The following RPRD2 variants were observed in gnomAD, a reference collection of about 807,000 sequenced individuals.
RPRD2 encodes the protein regulation of nuclear pre-mRNA domain-containing protein 2.
A neutral mutation model predicts 104.4 loss-of-function variants in RPRD2; 12 were observed. The ratio of observed to expected loss-of-function variants is 0.11; its 90% CI spans 0.07 to 0.19. The LOEUF (loss-of-function observed/expected upper bound fraction) is 0.19, where lower values mean the gene tolerates loss of function less well. Ranked by LOEUF, RPRD2 falls within the 10% of genes least tolerant of loss-of-function variation. The pLI is 1.00. For synonymous variants in RPRD2, 714 were observed against 684.9 expected (o/e 1.04, Z -0.66); for missense variants, 1,543 against 1,790.1 (o/e 0.86, Z 2.49).
chr1:150,442,652 A>G (rs117986117), intron 4 of RPRD2, among the ~76,000 whole-genome samples: 1 of 152,354 alleles, frequency 6.6e-6, no homozygotes, highest in East Asian at 1.9e-4. Flanking sequence ...ATCATGATTA[A>G]GGGAGTCCTC....
At chr1:150,432,183 A>G (rs1405204005) in intron 2 of RPRD2, among the ~76,000 whole-genome samples, 43 of 152,074 alleles carry the variant, frequency 2.8e-4, no homozygotes, top group African/African-American at 1.0e-3. Context: ...CTTAAAAAAA[A>G]AAAAAAAAAG....
chr1:150,375,956 C>T (rs1660650876), intron 1 of RPRD2, among the ~76,000 whole-genome samples: 1 of 152,138 alleles, frequency 6.6e-6, no homozygotes, highest in Non-Finnish European at 1.5e-5. Context: ...AATTCCACTG[C>T]CCCCACAGAT....
At chr1:150,466,597 A>G (rs1553900080) in intron 10 of RPRD2, among the ~76,000 whole-genome samples, 1 of 150,330 alleles carries the variant, frequency 6.7e-6, no homozygotes, top group South Asian at 2.1e-4. Flanking sequence ...TTTTGTCCTA[A>G]TGTTTTATAG....
At chr1:150,373,376 A>T (rs141907169) in intron 1 of RPRD2, among the ~76,000 whole-genome samples, 2 of 152,140 alleles carry the variant, frequency 1.3e-5, no homozygotes, top group African/African-American at 4.8e-5. Context: ...TTAGATGGCT[A>T]TTGTAATCCA....
At chr1:150,438,185 G>A (rs1666146122) in intron 2 of RPRD2, among the ~76,000 whole-genome samples, 1 of 152,082 alleles carries the variant, frequency 6.6e-6, no homozygotes, top group African/African-American at 2.4e-5. Context: ...AGCCACTTGG[G>A]AAGCTGAGGC....
Position 150,422,415 on chromosome 1 carries a change from A to G in RPRD2, c.335+4690A>G, listed in dbSNP as rs929042754. On this transcript the variant is annotated intron_variant, in intron 2 of 10. Coordinates refer to ENST00000369068, the MANE Select transcript of RPRD2 (RefSeq NM_015203.5). The stretch of plus-strand genomic sequence containing the variant: ...TAAAACTCTTATTCACAATACTACT[A>G]TACACTGATTCCTTTTCTGAATTTT... Among the ~76,000 whole-genome samples the G allele has an allele frequency of 4.7e-5, 7 of 148,372 alleles. No homozygotes were observed. The South Asian group carries it at 8.5e-4, about 18-fold the overall frequency.
intron 9 of RPRD2, among the ~76,000 whole-genome samples, chr1:150,463,686 A>G (rs1235046180): frequency 6.6e-6 from 1 of 152,224 alleles, no homozygotes; most frequent in African/African-American, 2.4e-5. Context: ...AATTTCTTAA[A>G]TAATCTCATT....
Position 150,473,754 on chromosome 1 carries a change from T to C in RPRD2, c.*420T>C, listed in dbSNP as rs587691197. The stretch of plus-strand genomic sequence containing the variant: ...GGGATGTTATTTTGGGCTTGGCTTA[T>C]CGAGTAGTCAATGGAAGGATTCCCG... On this transcript the variant is annotated 3_prime_UTR_variant, in exon 11 of 11. Transcript: ENST00000369068. The C allele has an allele frequency of 2.6e-5, 4 of 153,726 alleles. No individual in the cohort carries two copies. The highest frequency in any genetic ancestry group is 2.0e-4 in the South Asian group (1 of 4,894). The allele number at this position is 153,726 out of a possible 1,614,324, so 9.5% of individuals were successfully genotyped here.
Position 150,473,618 on chromosome 1 carries a change from G to T in RPRD2, c.*284G>T. 1 of 262,628 alleles carries T rather than the reference G, an allele frequency of 3.8e-6. No homozygotes were observed. The highest frequency in any genetic ancestry group is 1.3e-4 in the South Asian group (1 of 7,814). The allele number at this position is 262,628 out of a possible 1,614,324, so 16.3% of individuals were successfully genotyped here. On this transcript the variant is annotated 3_prime_UTR_variant, in exon 11 of 11. Transcript: ENST00000369068. The stretch of plus-strand genomic sequence containing the variant: ...ACCAAAGCCATTTCATTTGGCTGGG[G>T]GGTTGGGGAGTGGGGAGGAAAACAA...
intron 2 of RPRD2, among the ~76,000 whole-genome samples, chr1:150,430,458 A>G (rs1422003540): frequency 1.3e-5 from 2 of 152,174 alleles, no homozygotes; most frequent in African/African-American, 2.4e-5. Context: ...ACTTGAGCCC[A>G]GGAGTTCAAG....
chr1:150,401,984 C>T (rs1663065046), intron 1 of RPRD2, among the ~76,000 whole-genome samples: 1 of 132,802 alleles, frequency 7.5e-6, no homozygotes, highest in African/African-American at 2.9e-5. Context: ...TTTTTTGAGA[C>T]AGAGTCTCAC....
chr1:150,413,371 C>T (rs1664086518), intron 1 of RPRD2, among the ~76,000 whole-genome samples: 1 of 152,140 alleles, frequency 6.6e-6, no homozygotes, highest in Non-Finnish European at 1.5e-5. Flanking sequence ...GAGGCCGAGG[C>T]AGGCGGATCA....
intron 1 of RPRD2, among the ~76,000 whole-genome samples, chr1:150,366,651 T>A (rs1473778978): frequency 6.6e-6 from 1 of 152,202 alleles, no homozygotes; most frequent in Non-Finnish European, 1.5e-5. Context: ...GAAATTAAGT[T>A]GCTTAAGGTT....
intron 2 of RPRD2, among the ~76,000 whole-genome samples, chr1:150,435,899 A>G (rs1250650480): frequency 6.6e-6 from 1 of 152,228 alleles, no homozygotes; most frequent in Non-Finnish European, 1.5e-5. Context: ...CCTTGCTTCA[A>G]AGCACAGGCT....
chr1:150,411,418 G>A (rs368488938), intron 1 of RPRD2, among the ~76,000 whole-genome samples: 135 of 137,724 alleles, frequency 9.8e-4, no homozygotes, highest in African/African-American at 3.7e-3. Flanking sequence ...CCGAGATCGC[G>A]CCACTGCACT....
At chr1:150,418,091 C>T (rs2102278820) in intron 2 of RPRD2, among the ~76,000 whole-genome samples, 1 of 152,228 alleles carries the variant, frequency 6.6e-6, no homozygotes, top group South Asian at 2.1e-4. Context: ...CCTCAGCCTC[C>T]CAAATAGCTG....
intron 9 of RPRD2, among the ~76,000 whole-genome samples, chr1:150,461,700 G>A (rs1263820273): frequency 6.6e-6 from 1 of 152,020 alleles, no homozygotes; most frequent in African/African-American, 2.4e-5. Context: ...AAAAATTATG[G>A]CCGAGCGTGG....
chr1:150,396,966 A>C (rs114545976), intron 1 of RPRD2, among the ~76,000 whole-genome samples: 3,071 of 152,138 alleles, frequency 0.02, 131 homozygotes, highest in African/African-American at 0.071. Flanking sequence ...TTAAAATTAA[A>C]ATTTTCTTTC....
intron 1 of RPRD2, among the ~76,000 whole-genome samples, chr1:150,369,895 C>G (rs368641399): frequency 1.3e-5 from 2 of 152,054 alleles, no homozygotes; most frequent in East Asian, 3.9e-4. Flanking sequence ...ATTTTCATGC[C>G]TCCGCTTCCT....
Sources: allele counts gnomAD v4.1 joint callset (sites outside exome capture counted in the v4.1 genomes callset), GRCh38; gene constraint gnomAD v4.1.1; transcripts MANE v1.5; gene names NCBI Gene and HGNC (gene_info 2026-07-23, HGNC 2026-07-21).